RIMS2: variants seen among roughly 807,000 people sequenced by gnomAD.
RIMS2 encodes the protein regulating synaptic membrane exocytosis protein 2.
A neutral mutation model predicts 174.4 loss-of-function variants in RIMS2; 59 were observed. The ratio of observed to expected loss-of-function variants is 0.34; its 90% CI spans 0.27 to 0.42. RIMS2 has a LOEUF of 0.42. Among genes scored for constraint, RIMS2 ranks in the 10% least tolerant of loss-of-function variants. RIMS2 has a pLI of 1.00. For missense variants in RIMS2, 1,620 were observed against 1,666.3 expected (o/e 0.97, Z 0.48); for synonymous variants, 606 against 572.5 (o/e 1.06, Z -0.84).
chr8:104,151,573 C>T (rs561978280), intron 19 of RIMS2, among the ~76,000 whole-genome samples: 1 of 112,132 alleles, frequency 8.9e-6, no homozygotes, highest in East Asian at 2.3e-4. Context: ...GTCCTGCACT[C>T]CCCCAACTCC....
At chr8:104,169,115 C>CT (rs1205568445) in intron 19 of RIMS2, among the ~76,000 whole-genome samples, 5 of 150,776 alleles carry the variant, frequency 3.3e-5, no homozygotes, top group African/African-American at 7.3e-5. Context: ...CTGTAGTTTT[C>CT]TTTTTTTTGT....
chr8:103,689,992 A>G (rs565067259), intron 1 of RIMS2, among the ~76,000 whole-genome samples: 97 of 121,582 alleles, frequency 8.0e-4, no homozygotes, highest in Non-Finnish European at 1.2e-3. Flanking sequence ...ATGGAGTCTT[A>G]CTTTGTTGCC....
At chr8:104,109,265 C>G (rs1450124388) in intron 19 of RIMS2, among the ~76,000 whole-genome samples, 1 of 145,558 alleles carries the variant, frequency 6.9e-6, no homozygotes, top group Non-Finnish European at 1.5e-5. Flanking sequence ...CCATTGCACT[C>G]CAGCCTGGGC....
intron 1 of RIMS2, among the ~76,000 whole-genome samples, chr8:103,563,003 T>A (rs2091835475): frequency 6.6e-6 from 1 of 152,200 alleles, no homozygotes; most frequent in African/African-American, 2.4e-5. Flanking sequence ...CCAAGTCCCT[T>A]GACTGCACAC....
At chr8:103,549,884 A>G (rs149332461) in intron 1 of RIMS2, among the ~76,000 whole-genome samples, 9,952 of 152,290 alleles carry the variant, frequency 0.065, 399 homozygotes, top group South Asian at 0.087. Flanking sequence ...AGGCCATTAC[A>G]TAATGGTAAA....
At chr8:103,729,270 C>T (rs2097563567) in intron 2 of RIMS2, among the ~76,000 whole-genome samples, 1 of 151,994 alleles carries the variant, frequency 6.6e-6, no homozygotes, top group Non-Finnish European at 1.5e-5. Flanking sequence ...TTGGTCTATC[C>T]AAGCTTTGGA....
chr8:104,107,831 G>A (rs189115988), intron 19 of RIMS2, among the ~76,000 whole-genome samples: 33 of 152,322 alleles, frequency 2.2e-4, no homozygotes, highest in African/African-American at 6.5e-4. Flanking sequence ...CCAAGGCTGA[G>A]GGAGGAGGAT....
At chr8:104,065,038 C>T (rs914447846) in intron 19 of RIMS2, among the ~76,000 whole-genome samples, 2 of 151,802 alleles carry the variant, frequency 1.3e-5, no homozygotes, top group African/African-American at 4.8e-5. Context: ...ACCTATAAAC[C>T]GTCATTTTTC....
chr8:103,810,537 G>A (rs933168927), intron 3 of RIMS2, among the ~76,000 whole-genome samples: 7 of 152,070 alleles, frequency 4.6e-5, no homozygotes, highest in Admixed American at 1.3e-4. Context: ...AAACTTTATT[G>A]TTATACCTTT....
chr8:103,936,061 T>A (rs982588540), intron 12 of RIMS2, among the ~76,000 whole-genome samples: 1 of 152,172 alleles, frequency 6.6e-6, no homozygotes, highest in African/African-American at 2.4e-5. Flanking sequence ...TAAAAAAGTA[T>A]CTTTATAAAA....
intron 19 of RIMS2, among the ~76,000 whole-genome samples, chr8:104,154,988 A>T (rs2098712697): frequency 6.6e-6 from 1 of 152,186 alleles, no homozygotes; most frequent in Non-Finnish European, 1.5e-5. Flanking sequence ...TAAAAAACAA[A>T]AAAGAAATTA....
intron 19 of RIMS2, among the ~76,000 whole-genome samples, chr8:104,016,778 A>G (rs1389238690): frequency 6.6e-6 from 1 of 152,098 alleles, no homozygotes; most frequent in Non-Finnish European, 1.5e-5. Flanking sequence ...CTATTGAAAT[A>G]TAAGTAGCTC....
At chr8:103,581,348 A>T (rs1199083114) in intron 1 of RIMS2, among the ~76,000 whole-genome samples, 2 of 152,218 alleles carry the variant, frequency 1.3e-5, no homozygotes, top group Admixed American at 1.3e-4. Context: ...ATAATACATC[A>T]CATTAAAAGA....
intron 3 of RIMS2, among the ~76,000 whole-genome samples, chr8:103,812,753 T>G (rs1320749838): frequency 1.3e-5 from 2 of 152,160 alleles, no homozygotes; most frequent in African/African-American, 4.8e-5. Flanking sequence ...TTTTATTTTT[T>G]GCTTATATGT....
At chr8:104,107,967 GC>G (rs11322161) in intron 19 of RIMS2, among the ~76,000 whole-genome samples, 38,254 of 141,180 alleles carry the variant, frequency 0.27, 5,452 homozygotes, top group East Asian at 0.59. Context: ...TCTTTCCCCT[GC>G]CCCCCCCCCA....
At chr8:103,690,798 G>A (rs1200610192) in intron 1 of RIMS2, among the ~76,000 whole-genome samples, 1 of 152,130 alleles carries the variant, frequency 6.6e-6, no homozygotes, top group African/African-American at 2.4e-5. Context: ...TATTACTAGT[G>A]AGTTTTGTAC....
intron 19 of RIMS2, among the ~76,000 whole-genome samples, chr8:104,230,143 G>T (rs965825180): frequency 6.6e-6 from 1 of 151,982 alleles, no homozygotes; most frequent in Non-Finnish European, 1.5e-5. Context: ...GCCAGGCTTG[G>T]TGGTGCATGC....
intron 19 of RIMS2, among the ~76,000 whole-genome samples, chr8:104,101,384 C>T (rs1055552190): frequency 1.1e-4 from 17 of 152,214 alleles, no homozygotes; most frequent in Non-Finnish European, 1.8e-4. Context: ...CCGCCTCGGC[C>T]TCCCAAAGTG....
chr8:104,109,557 C>G (rs752613506), intron 19 of RIMS2, among the ~76,000 whole-genome samples: 5 of 152,010 alleles, frequency 3.3e-5, no homozygotes, highest in Non-Finnish European at 5.9e-5. Flanking sequence ...TTAACACTTT[C>G]TGGCACATGA....
Sources: allele counts gnomAD v4.1 joint callset (sites outside exome capture counted in the v4.1 genomes callset), GRCh38; gene constraint gnomAD v4.1.1; transcripts MANE v1.5; gene names NCBI Gene and HGNC (gene_info 2026-07-23, HGNC 2026-07-21).